Variants in LNPEP observed in about 807,000 individuals in gnomAD.
The protein encoded by LNPEP is leucyl-cystinyl aminopeptidase.
Under a neutral mutation model 120.6 loss-of-function variants are expected in LNPEP, and 64 were observed. The ratio of observed to expected loss-of-function variants is 0.53; its 90% confidence interval spans 0.43 to 0.65. The LOEUF is 0.65. LNPEP is among the 30% of genes least tolerant of loss of function. LNPEP has a pLI of 0.00. For missense variants in LNPEP, 1,057 were observed against 1,200.0 expected (o/e 0.88, Z 1.76); for synonymous variants, 435 against 425.4 (o/e 1.02, Z -0.28).
chr5:96,996,612 A>G (rs867092273), intron 7 of LNPEP, 109 bp downstream of exon 7: 28 of 640,632 alleles, frequency 4.4e-5, no homozygotes, highest in African/African-American at 2.6e-4. Flanking sequence ...GTTTCTAGGA[A>G]GGTATGCCAA....
At position 96,993,967 on chromosome 5, in the gene LNPEP, A is replaced by T; in HGVS notation, c.1403A>T (p.His468Leu). Residue 468 changes from histidine (H) to leucine (L), a missense_variant, in exon 6 of 18, where the codon CAC becomes CTC. Coordinates refer to ENST00000231368, the MANE Select transcript of LNPEP (RefSeq NM_005575.3). ...AAAATCATTGCTCATGAGCTGGCCC[A>T]CCAGGTATTAGCAACCAAGGCTGTT... ...VTKIIAHELA[H>L]QWFGNLVTMK... 6.2e-7 allele frequency: 1 copy of T among 1,613,586 alleles called. No homozygotes were observed. Among genetic ancestry groups the T allele is most frequent in the Non-Finnish European group, 8.5e-7 (1 of 1,179,650 alleles).
chr5:96,995,073 A>C (rs1790479939), intron 6 of LNPEP, among the ~76,000 whole-genome samples: 1 of 151,972 alleles, frequency 6.6e-6, no homozygotes, highest in Non-Finnish European at 1.5e-5. Flanking sequence ...GCACCAGTGC[A>C]CTCCCGCCTG....
chr5:96,992,446 T>C (rs1301874053), intron 4 of LNPEP, among the ~76,000 whole-genome samples: 1 of 152,176 alleles, frequency 6.6e-6, no homozygotes, highest in Non-Finnish European at 1.5e-5. Context: ...GAAGAGAATA[T>C]GTTGGTCTAT....
intron 11 of LNPEP, chr5:97,010,805 G>A: frequency 1.6e-5 from 16 of 985,366 alleles, no homozygotes; most frequent in Non-Finnish European, 1.9e-5. Flanking sequence ...ATCCACGTTT[G>A]AGCTGTAGGA....
At chr5:96,966,852 C>A (rs1383557177) in intron 1 of LNPEP, among the ~76,000 whole-genome samples, 5 of 152,072 alleles carry the variant, frequency 3.3e-5, no homozygotes, top group Non-Finnish European at 5.9e-5. Context: ...CTTTAAGATT[C>A]ATTAGCATAA....
At chr5:96,965,788 G>T (rs1317268997) in intron 1 of LNPEP, among the ~76,000 whole-genome samples, 3 of 152,072 alleles carry the variant, frequency 2.0e-5, no homozygotes, top group East Asian at 3.9e-4. Flanking sequence ...TGGGTTAAAA[G>T]AATTTCTACC....
At chr5:97,020,069 C>T (rs902456222) in intron 13 of LNPEP, among the ~76,000 whole-genome samples, 3 of 152,212 alleles carry the variant, frequency 2.0e-5, no homozygotes, top group African/African-American at 7.2e-5. Flanking sequence ...TTGAAACAAA[C>T]ACAAGCGAGT....
intron 11 of LNPEP, chr5:97,010,870 A>T (rs957903149): frequency 2.0e-6 from 2 of 985,326 alleles, no homozygotes; most frequent in African/African-American, 3.5e-5. Context: ...TGTGGTTTTA[A>T]GGTCCACCAT....
Position 97,022,300 on chromosome 5 carries a change from ACTAGG to A in LNPEP, c.2378_2382del (p.Thr793SerfsTer3). 6.4e-7 allele frequency: 1 copy of A among 1,566,604 alleles called. No homozygotes were observed. Among genetic ancestry groups the A allele is most frequent in the Non-Finnish European group, 8.8e-7 (1 of 1,140,702 alleles). ...ATTATAATCTATTTTGTCTCTCTAG[ACTAGG>A]GTATTTAAATTACTTCAAAACCAAA... On this transcript the variant is annotated frameshift_variant and splice_region_variant, in exon 14 of 18. Coordinates refer to ENST00000231368, the MANE Select transcript of LNPEP (RefSeq NM_005575.3). LOFTEE classifies it high-confidence loss of function.
intron 8 of LNPEP, among the ~76,000 whole-genome samples, chr5:97,000,507 C>T (rs1790624074): frequency 6.6e-6 from 1 of 152,074 alleles, no homozygotes; most frequent in Non-Finnish European, 1.5e-5. Context: ...AATGTGATTT[C>T]CTTCTGGGTG....
chr5:96,996,983 A>C (rs1339090590), intron 7 of LNPEP, among the ~76,000 whole-genome samples: 1 of 152,086 alleles, frequency 6.6e-6, no homozygotes, highest in East Asian at 1.9e-4. Context: ...GTACAAATAA[A>C]TAATTTGCCC....
intron 1 of LNPEP, among the ~76,000 whole-genome samples, chr5:96,943,747 G>A (rs115797631): frequency 0.038 from 5,714 of 152,260 alleles, 186 homozygotes; most frequent in Middle Eastern, 0.11. Flanking sequence ...AAGCTTCCAA[G>A]GGAGTTTCAA....
intron 8 of LNPEP, among the ~76,000 whole-genome samples, chr5:97,000,299 C>G (rs542873827): frequency 2.0e-5 from 3 of 152,156 alleles, no homozygotes; most frequent in South Asian, 4.2e-4. Context: ...GAAGAATATT[C>G]CAGGTAGAAG....
At chr5:96,961,167 T>G (rs1789595955) in intron 1 of LNPEP, among the ~76,000 whole-genome samples, 1 of 152,086 alleles carries the variant, frequency 6.6e-6, no homozygotes, top group Admixed American at 6.6e-5. Context: ...TGAAAAGGAT[T>G]CACCTTTCAA....
intron 1 of LNPEP, among the ~76,000 whole-genome samples, chr5:96,956,754 G>A (rs1287493123): frequency 1.3e-5 from 2 of 152,096 alleles, no homozygotes; most frequent in Non-Finnish European, 2.9e-5. Context: ...GTCATTCTGG[G>A]ACTCCGACTG....
chr5:96,993,349 C>T (rs947292283), intron 5 of LNPEP, among the ~76,000 whole-genome samples: 2 of 152,096 alleles, frequency 1.3e-5, no homozygotes, highest in African/African-American at 4.8e-5. Context: ...TATAGGGCTG[C>T]TAAAAAGGTG....
chr5:96,970,169 T>G (rs909585983), intron 1 of LNPEP, among the ~76,000 whole-genome samples: 7 of 152,162 alleles, frequency 4.6e-5, no homozygotes, highest in African/African-American at 1.4e-4. Flanking sequence ...GATTTTATAT[T>G]CTGTGAATGT....
chr5:96,965,264 C>T (rs1391629723), intron 1 of LNPEP, among the ~76,000 whole-genome samples: 1 of 151,976 alleles, frequency 6.6e-6, no homozygotes, highest in Non-Finnish European at 1.5e-5. Context: ...TAGAGTTCTT[C>T]ATCTTTCTTT....
chr5:96,971,102 CT>C (rs1789848784), intron 1 of LNPEP, among the ~76,000 whole-genome samples: 1 of 151,850 alleles, frequency 6.6e-6, no homozygotes, highest in African/African-American at 2.4e-5. Flanking sequence ...TTGAAAATGT[CT>C]TTTACTCTTG....
Sources: allele counts gnomAD v4.1 joint callset (sites outside exome capture counted in the v4.1 genomes callset), GRCh38; gene constraint gnomAD v4.1.1; transcripts MANE v1.5; gene names NCBI Gene and HGNC (gene_info 2026-07-23, HGNC 2026-07-21).